The following S100Z variants were observed in gnomAD, a reference collection of about 807,000 sequenced individuals.
The protein encoded by S100Z is protein S100-Z.
Under a neutral mutation model 8.5 loss-of-function variants are expected in S100Z, and 11 were observed. The ratio of observed to expected loss-of-function variants is 1.30; its 90% CI spans 0.82 to 2.15. The LOEUF (loss-of-function observed/expected upper bound fraction) is 2.15, where lower values mean the gene tolerates loss of function less well. Ranked by LOEUF, S100Z falls within the 30% of genes most tolerant of loss-of-function variation. S100Z has a pLI of 0.00. For synonymous variants in S100Z, 34 were observed against 43.8 expected (o/e 0.78, Z 0.89); for missense variants, 126 against 117.9 (o/e 1.07, Z -0.32).
At chr5:76,918,120 A>G (rs1174932640) in intron 4 of S100Z, among the ~76,000 whole-genome samples, 1 of 152,146 alleles carries the variant, frequency 6.6e-6, no homozygotes, top group Non-Finnish European at 1.5e-5. Context: ...ACCAATTTGT[A>G]CCTCCATACC....
chr5:76,894,144 C>T (rs889497672), intron 4 of S100Z, among the ~76,000 whole-genome samples: 12 of 152,298 alleles, frequency 7.9e-5, no homozygotes, highest in African/African-American at 2.9e-4. Context: ...AGCCTGCTAG[C>T]TAAAAGCTTC....
intron 2 of S100Z, among the ~76,000 whole-genome samples, chr5:76,870,928 C>T (rs1742984417): frequency 6.6e-6 from 1 of 151,780 alleles, no homozygotes; most frequent in Non-Finnish European, 1.5e-5. Flanking sequence ...TTGGGACCAG[C>T]GTGGGCAACA....
At chr5:76,928,948 C>T in the S100Z span, among the ~76,000 whole-genome samples, 3 of 152,212 alleles carry the variant, frequency 2.0e-5, no homozygotes, top group Non-Finnish European at 2.9e-5. Context: ...CACTATGTTG[C>T]CTAGGCTGGT....
At chr5:76,937,071 C>T in the S100Z span, among the ~76,000 whole-genome samples, 1 of 152,100 alleles carries the variant, frequency 6.6e-6, no homozygotes, top group Non-Finnish European at 1.5e-5. Context: ...GGCTGCAGAG[C>T]CCTCCCTGAC....
At chr5:76,951,548 T>A in the S100Z span, among the ~76,000 whole-genome samples, 3 of 152,172 alleles carry the variant, frequency 2.0e-5, no homozygotes, top group Admixed American at 6.5e-5. Flanking sequence ...GCATGCCTGG[T>A]GAGTGGGCCT....
chr5:76,941,420 G>A, the S100Z span, among the ~76,000 whole-genome samples: 1 of 152,014 alleles, frequency 6.6e-6, no homozygotes, highest in African/African-American at 2.4e-5. Context: ...ATAAAGGGTG[G>A]TTCCCCTACA....
chr5:76,939,959 A>G, the S100Z span, among the ~76,000 whole-genome samples: 1 of 151,964 alleles, frequency 6.6e-6, no homozygotes, highest in Non-Finnish European at 1.5e-5. Flanking sequence ...AGAGATCGAG[A>G]CCATTCTGAC....
intron 4 of S100Z, among the ~76,000 whole-genome samples, chr5:76,892,991 A>G (rs1252862332): frequency 1.3e-5 from 2 of 152,152 alleles, no homozygotes; most frequent in African/African-American, 2.4e-5. Context: ...TGGGGCCCAC[A>G]AGGAATTTCC....
At chr5:76,869,766 C>A (rs1742939480) in intron 1 of S100Z, among the ~76,000 whole-genome samples, 1 of 152,122 alleles carries the variant, frequency 6.6e-6, no homozygotes, top group Admixed American at 6.6e-5. Flanking sequence ...CACCTGTAAT[C>A]CCGGCACTTT....
the S100Z span, among the ~76,000 whole-genome samples, chr5:76,945,906 C>T: frequency 2.0e-5 from 3 of 152,170 alleles, no homozygotes; most frequent in East Asian, 1.9e-4. Context: ...TCATCCCACC[C>T]GACGAGAAAT....
At chr5:76,932,070 T>G in the S100Z span, among the ~76,000 whole-genome samples, 6 of 152,216 alleles carry the variant, frequency 3.9e-5, no homozygotes, top group Admixed American at 3.9e-4. Context: ...AGATGTCAGT[T>G]ATTTTCAAAG....
At chr5:76,909,280 A>G (rs1171852969) in intron 4 of S100Z, among the ~76,000 whole-genome samples, 1 of 152,158 alleles carries the variant, frequency 6.6e-6, no homozygotes, top group Non-Finnish European at 1.5e-5. Flanking sequence ...ATCCTAAGCC[A>G]ATGGGACCAA....
intron 4 of S100Z, among the ~76,000 whole-genome samples, chr5:76,896,733 A>T (rs1002744340): frequency 6.6e-6 from 1 of 152,112 alleles, no homozygotes; most frequent in Non-Finnish European, 1.5e-5. Flanking sequence ...AGTAATTTTA[A>T]CCCGGGGTGA....
chr5:76,937,454 C>T, the S100Z span, among the ~76,000 whole-genome samples: 1 of 151,774 alleles, frequency 6.6e-6, no homozygotes, highest in Non-Finnish European at 1.5e-5. Flanking sequence ...TTATATTTTA[C>T]AATTCACAAA....
At chr5:76,877,867 T>C (rs1390412946) in intron 4 of S100Z, 33 bp downstream of exon 4, 3 of 1,448,634 alleles carry the variant, frequency 2.1e-6, no homozygotes, top group African/African-American at 1.4e-5. Flanking sequence ...GGCAGAAATA[T>C]ATCCAAAGTT....
the S100Z span, chr5:76,952,893 A>C: frequency 1.9e-6 from 1 of 533,376 alleles, no homozygotes; most frequent in African/African-American, 1.9e-5. Context: ...CCACGCTGAA[A>C]ATTTGTGGCT....
intron 1 of S100Z, among the ~76,000 whole-genome samples, chr5:76,859,549 G>A (rs1750989503): frequency 6.6e-6 from 1 of 152,044 alleles, no homozygotes; most frequent in Admixed American, 6.6e-5. Context: ...GGGAGGCTGA[G>A]GTGGGCAGAT....
Position 76,903,427 on chromosome 5 carries a change from G to A in S100Z, c.*3-17290G>A, listed in dbSNP as rs189910656. On this transcript the variant is annotated intron_variant, in intron 4 of 4. Transcript: ENST00000317593. ...TTTTATTGCTGTGTAGTCTTTCACT[G>A]CATGGATGTACCACAGTTTGTTTAT... is the stretch of plus-strand genomic sequence containing the variant. Among the ~76,000 whole-genome samples, 148 of 152,064 alleles carry A rather than the reference G, an allele frequency of 9.7e-4. 1 individual carries two copies. The highest frequency in any genetic ancestry group is 2.4e-4 in the Non-Finnish European group (16 of 67,988).
the S100Z span, among the ~76,000 whole-genome samples, chr5:76,931,066 G>A: frequency 2.3e-3 from 352 of 152,064 alleles, 1 homozygote; most frequent in Non-Finnish European, 3.9e-3. Context: ...TGAGCAGGGA[G>A]AAAGAGCTCT....
Sources: allele counts gnomAD v4.1 joint callset (sites outside exome capture counted in the v4.1 genomes callset), GRCh38; gene constraint gnomAD v4.1.1; transcripts MANE v1.5; gene names NCBI Gene and HGNC (gene_info 2026-07-23, HGNC 2026-07-21).